The following SPNS3 variants were observed in gnomAD, a reference collection of about 807,000 sequenced individuals.
The protein encoded by SPNS3 is protein spinster homolog 3.
In SPNS3, 51 loss-of-function variants were observed where a neutral mutation model predicts 54.4. That is an observed-to-expected ratio of 0.94 (90% confidence interval 0.75 to 1.18). The LOEUF is 1.18. SPNS3 is among the 50% of genes most tolerant of loss of function. SPNS3 has a pLI of 0.00. For missense variants in SPNS3, 669 were observed against 677.4 expected, an observed-to-expected ratio of 0.99 and a Z score of 0.14; for synonymous variants, 309 against 294.7, an observed-to-expected ratio of 1.05 and a Z score of -0.50.
At chr17:4,456,613 C>G (rs1971321959) in intron 8 of SPNS3, among the ~76,000 whole-genome samples, 2 of 152,144 alleles carry the variant, frequency 1.3e-5, no homozygotes, top group African/African-American at 4.8e-5. Context: ...GCAACCTCTA[C>G]CTTTCAGGTT....
intron 1 of SPNS3, among the ~76,000 whole-genome samples, chr17:4,435,219 T>C (rs62066148): frequency 0.051 from 7,814 of 151,966 alleles, 255 homozygotes; most frequent in East Asian, 0.12. Flanking sequence ...AGTGAGGACT[T>C]TGTGACCAGC....
chr17:4,444,899 C>G, intron 2 of SPNS3, 133 bp from the exon 3 acceptor site: 1 of 1,080,888 alleles, frequency 9.3e-7, no homozygotes, highest in Non-Finnish European at 1.3e-6. Context: ...ATCTTTTCTT[C>G]CTCATACCCT....
At chr17:4,463,394 C>A (rs1382999260) in intron 8 of SPNS3, among the ~76,000 whole-genome samples, 3 of 103,792 alleles carry the variant, frequency 2.9e-5, no homozygotes, top group Non-Finnish European at 5.9e-5. Context: ...AAGACTCTGT[C>A]TCAAAAAAAA....
rs55928003 is a variant in SPNS3, at chr17:4,461,361, CTTTTTTT to C, written c.1113+8176_1113+8182del. 2.1e-3 allele frequency among the ~76,000 whole-genome samples: 71 copies of C among 33,422 alleles called. 1 individual carries two copies. Among genetic ancestry groups the C allele is most frequent in the African/African-American group, 6.3e-3 (64 of 10,164 alleles). The allele number at this position is 33,422 out of a possible 152,430, so 21.9% of individuals were successfully genotyped here. A position where few individuals can be genotyped will look rare whatever the true frequency, so the allele number is the denominator to read the frequency against. ...TATTTGCTTTCTTTTCTTTTCTTTT[CTTTTTTT>C]TTTTTTTTTTTTTTTTTTTGAGACA... On this transcript the variant is annotated intron_variant, in intron 8 of 11. Coordinates refer to ENST00000355530, the MANE Select transcript of SPNS3 (RefSeq NM_182538.5).
chr17:4,452,990 AAC>A, intron 7 of SPNS3, 24 bp from the exon 8 acceptor site: 1 of 1,603,492 alleles, frequency 6.2e-7, no homozygotes, highest in Non-Finnish European at 8.5e-7. Flanking sequence ...CCAGCTGACC[AAC>A]CCTTCTGTGC....
chr17:4,441,592 C>CT (rs905605893), intron 2 of SPNS3, among the ~76,000 whole-genome samples: 8 of 151,298 alleles, frequency 5.3e-5, no homozygotes, highest in East Asian at 1.9e-4. Context: ...TTCACTGGTT[C>CT]TTTTTTTTTC....
At chr17:4,440,728 C>G (rs915480806) in intron 2 of SPNS3, among the ~76,000 whole-genome samples, 5 of 152,074 alleles carry the variant, frequency 3.3e-5, no homozygotes, top group Admixed American at 1.3e-4. Context: ...AACAGAGGCC[C>G]CTGCGTGGAT....
chr17:4,448,240 G>C lies in SPNS3; in HGVS notation c.707G>C (p.Gly236Ala), dbSNP rs1451894868. The C allele has an allele frequency of 6.2e-7, 1 of 1,601,346 alleles. No individual in the cohort carries two copies. ...CCCCGGGGAGCTGCCGAGACACAGGGGGAGGGGGCCGTGGGAGGCTTCAGG... is the reference window on the plus strand; with the variant it reads ...CCCCGGGGAGCTGCCGAGACACAGGCGGAGGGGGCCGTGGGAGGCTTCAGG... ...DPPRGAAETQGEGAVGGFRSS... is the reference protein window; with the variant it reads ...DPPRGAAETQAEGAVGGFRSS... Residue 236 changes from glycine to alanine, a missense_variant, in exon 6 of 12, where the codon GGG becomes GCG. Transcript: ENST00000355530.
intron 8 of SPNS3, among the ~76,000 whole-genome samples, chr17:4,458,611 T>TTC (rs1487195234): frequency 8.9e-6 from 1 of 111,856 alleles, no homozygotes; most frequent in Non-Finnish European, 1.9e-5. Flanking sequence ...CTTTCTTTCT[T>TTC]TCTTTCTTTC....
chr17:4,453,983 A>G (rs1026674148), intron 8 of SPNS3, among the ~76,000 whole-genome samples: 1 of 152,098 alleles, frequency 6.6e-6, no homozygotes, highest in African/African-American at 2.4e-5. Flanking sequence ...CACACTTCCC[A>G]GACTTTGCAC....
chr17:4,462,158 C>A (rs1317846031), intron 8 of SPNS3, among the ~76,000 whole-genome samples: 43 of 374 alleles, frequency 0.11, 3 homozygotes, highest in South Asian at 0.25. Context: ...TCCATCCATC[C>A]ATCCATCCAT....
chr17:4,488,150 G>C lies in SPNS3; in HGVS notation c.*256G>C. 1 of 538,874 alleles carries C rather than the reference G, an allele frequency of 1.9e-6. No individual in the cohort carries two copies. The highest frequency in any genetic ancestry group is 3.1e-5 in the East Asian group (1 of 32,418). 33.4% of individuals were successfully genotyped at this position (538,874 alleles called of 1,614,324 possible). The stretch of plus-strand genomic sequence containing the variant: ...GCCTGGGGTCTCCAGCCTGGCTGCT[G>C]CTGGGCCCTGAATAAAGAGAGGCCA... On this transcript the variant is annotated 3_prime_UTR_variant, in exon 12 of 12. Transcript: ENST00000355530.
intron 1 of SPNS3, among the ~76,000 whole-genome samples, chr17:4,435,451 AAAT>A (rs1199610787): frequency 1.4e-5 from 2 of 147,894 alleles, no homozygotes; most frequent in African/African-American, 5.1e-5. Flanking sequence ...AAAAAAAAAA[AAAT>A]AAAAAATAAA....
chr17:4,448,692 CT>C (rs1426830620), intron 6 of SPNS3, among the ~76,000 whole-genome samples: 2 of 152,346 alleles, frequency 1.3e-5, no homozygotes, highest in East Asian at 3.9e-4. Context: ...CTCTCCAAGC[CT>C]CATGGCGTGC....
intron 9 of SPNS3, among the ~76,000 whole-genome samples, chr17:4,480,815 C>G (rs1972129912): frequency 1.1e-5 from 1 of 92,846 alleles, no homozygotes; most frequent in Non-Finnish European, 2.2e-5. Context: ...GGCCTCCAGC[C>G]ACAATGCTTT....
intron 8 of SPNS3, among the ~76,000 whole-genome samples, chr17:4,468,605 G>A (rs1597332301): frequency 6.6e-6 from 1 of 151,604 alleles, no homozygotes; most frequent in South Asian, 2.1e-4. Flanking sequence ...TGAGGGAGGG[G>A]CAGGGGTTTT....
chr17:4,450,354 C>CCT (rs58694489), intron 7 of SPNS3, among the ~76,000 whole-genome samples: 24 of 122,206 alleles, frequency 2.0e-4, no homozygotes, highest in Admixed American at 3.6e-4. Flanking sequence ...CCTCTCCCCT[C>CCT]CTCTCTCTCT....
rs374622398 is a variant in SPNS3, at chr17:4,449,289, A to C, written c.825A>C (p.Gly275=). ...LGVTAMAFVT[G]ALGFWAPKFL... ...TGACCGCCATGGCCTTTGTGACTGG[A>C]GCCCTGGGGTTCTGGGCCCCCAAGT... The change falls in exon 7 of 12, where the codon GGA becomes GGC. Residue 275 remains glycine, a synonymous_variant. Coordinates refer to ENST00000355530, the MANE Select transcript of SPNS3 (RefSeq NM_182538.5). 10 of 1,612,510 alleles carry C rather than the reference A, an allele frequency of 6.2e-6. No homozygotes were observed. Among genetic ancestry groups the C allele is most frequent in the Non-Finnish European group, 5.9e-6 (7 of 1,179,896 alleles).
intron 8 of SPNS3, among the ~76,000 whole-genome samples, chr17:4,456,996 T>C (rs1320529834): frequency 1.3e-5 from 2 of 152,224 alleles, no homozygotes; most frequent in African/African-American, 4.8e-5. Context: ...ATTACAGGCA[T>C]GATCCACCAC....
Sources: gnomAD v4.1 joint callset for allele counts (sites outside exome capture counted in the v4.1 genomes callset) on GRCh38, gnomAD v4.1.1 for gene constraint, MANE v1.5 for transcripts, NCBI Gene and HGNC (gene_info 2026-07-23, HGNC 2026-07-21) for gene names.